Variants in CEP15 observed in about 807,000 individuals in gnomAD.
The protein encoded by CEP15 is centrosomal protein 15.
the CEP15 span, among the ~76,000 whole-genome samples, chr3:62,332,000 C>T: frequency 1.1e-4 from 16 of 152,196 alleles, no homozygotes; most frequent in Non-Finnish European, 2.2e-4. Context: ...TTTGCTTTCT[C>T]CCCAACTGGG....
At chr3:62,333,639 TAATTA>T in the CEP15 span, 1 of 288,600 alleles carries the variant, frequency 3.5e-6, no homozygotes, top group South Asian at 5.8e-5. The surrounding 1 kb of genome is among the most constrained non-coding windows in gnomAD (Gnocchi z 4.0). Context: ...GACTCTTTAT[TAATTA>T]AATTATTGTC....
At chr3:62,322,274 G>A in the CEP15 span, 5 of 426,312 alleles carry the variant, frequency 1.2e-5, no homozygotes, top group East Asian at 2.4e-4. The surrounding 1 kb of genome is among the most constrained non-coding windows in gnomAD (Gnocchi z 5.5). Flanking sequence ...CTAAATGTTT[G>A]CAATCAACTA....
chr3:62,320,421 G>T, the CEP15 span: 1 of 1,464,580 alleles, frequency 6.8e-7, no homozygotes, highest in South Asian at 1.2e-5. Flanking sequence ...GAGGACATGT[G>T]GTAGAAGTAA....
At chr3:62,325,888 G>A in the CEP15 span, among the ~76,000 whole-genome samples, 3,092 of 152,188 alleles carry the variant, frequency 0.02, 54 homozygotes, top group African/African-American at 0.05. Context: ...GCAGGGTGTG[G>A]TGGTGCGCGC....
chr3:62,327,924 A>G, the CEP15 span, among the ~76,000 whole-genome samples: 2 of 152,088 alleles, frequency 1.3e-5, no homozygotes, highest in African/African-American at 4.8e-5. Context: ...CATTTTTACT[A>G]TGGGGAAGCC....
At chr3:62,335,078 A>AAT in the CEP15 span, 1 of 152,136 alleles carries the variant, frequency 6.6e-6, no homozygotes, top group African/African-American at 2.4e-5. Context: ...CAAATTCCAA[A>AAT]ATTACACAGT....
the CEP15 span, chr3:62,334,325 C>A: frequency 1.3e-5 from 2 of 151,612 alleles, no homozygotes; most frequent in African/African-American, 4.8e-5. The surrounding 1 kb of genome is among the most constrained non-coding windows in gnomAD (Gnocchi z 4.9). Flanking sequence ...TGCTATATTA[C>A]AATGAAATGT....
chr3:62,335,867 A>C, the CEP15 span: 4 of 152,174 alleles, frequency 2.6e-5, no homozygotes, highest in Admixed American at 6.5e-5. Flanking sequence ...GGTATATGAA[A>C]TTATTAAACT....
chr3:62,328,797 A>G, the CEP15 span, among the ~76,000 whole-genome samples: 1 of 150,288 alleles, frequency 6.7e-6, no homozygotes, highest in Admixed American at 6.7e-5. Context: ...GTTGTATGGG[A>G]CGCAGTCCTT....
the CEP15 span, among the ~76,000 whole-genome samples, chr3:62,329,957 C>T: frequency 6.6e-6 from 1 of 152,098 alleles, no homozygotes; most frequent in Non-Finnish European, 1.5e-5. Context: ...CTGTATCTGT[C>T]GTAGTGTCAG....
the CEP15 span, among the ~76,000 whole-genome samples, chr3:62,323,492 ATG>A: frequency 6.6e-6 from 1 of 152,212 alleles, no homozygotes; most frequent in Non-Finnish European, 1.5e-5. Flanking sequence ...AAGGTTGGAT[ATG>A]TGTTATGGGA....
At chr3:62,319,251 A>C in the CEP15 span, 1 of 152,262 alleles carries the variant, frequency 6.6e-6, no homozygotes, top group African/African-American at 2.4e-5. Flanking sequence ...CTTCGATTCT[A>C]AGGGGAGAAT....
chr3:62,321,935 C>T, the CEP15 span: 1 of 1,588,030 alleles, frequency 6.3e-7, no homozygotes, highest in South Asian at 1.2e-5. This position sits in a 1 kb window ranked among gnomAD's most constrained non-coding sequence, Gnocchi z 4.1. Context: ...TCTAGAGTAT[C>T]ACAAAGATTA....
At chr3:62,321,697 A>T in the CEP15 span, among the ~76,000 whole-genome samples, 4 of 152,208 alleles carry the variant, frequency 2.6e-5, no homozygotes, top group Admixed American at 1.3e-4. The surrounding 1 kb of genome is among the most constrained non-coding windows in gnomAD (Gnocchi z 4.1). Context: ...TACTTATGGC[A>T]TATATAAAGA....
At chr3:62,325,849 C>A in the CEP15 span, among the ~76,000 whole-genome samples, 2 of 152,136 alleles carry the variant, frequency 1.3e-5, no homozygotes, top group East Asian at 3.9e-4. Flanking sequence ...CATGGTGAAA[C>A]CCCGTCTCTA....
chr3:62,331,439 A>C, the CEP15 span: 1 of 1,497,204 alleles, frequency 6.7e-7, no homozygotes, highest in Non-Finnish European at 9.3e-7. Flanking sequence ...GAGAGACCCT[A>C]TCTATCTATC....
chr3:62,329,521 G>C, the CEP15 span, among the ~76,000 whole-genome samples: 1 of 152,338 alleles, frequency 6.6e-6, no homozygotes, highest in East Asian at 1.9e-4. Flanking sequence ...GTAGTAATCA[G>C]AGGTGAGCAT....
the CEP15 span, chr3:62,333,479 A>G: frequency 5.0e-6 from 7 of 1,406,012 alleles, no homozygotes; most frequent in African/African-American, 8.7e-5. This position sits in a 1 kb window ranked among gnomAD's most constrained non-coding sequence, Gnocchi z 4.0. Flanking sequence ...GGAATTAAAT[A>G]TGTTCATATT....
the CEP15 span, chr3:62,335,604 T>C: frequency 5.3e-5 from 8 of 152,192 alleles, no homozygotes; most frequent in Non-Finnish European, 1.2e-4. Context: ...ATGTATATTT[T>C]TTCTACAATT....
Sources: gnomAD v4.1 joint callset for allele counts (sites outside exome capture counted in the v4.1 genomes callset) on GRCh38, gnomAD v4.1.1 for gene constraint, Gnocchi (gnomAD v3.1) non-coding constraint, MANE v1.5 for transcripts, NCBI Gene and HGNC (gene_info 2026-07-23, HGNC 2026-07-21) for gene names.